SGCD: variants seen among roughly 807,000 people sequenced by gnomAD.
The protein encoded by SGCD is delta-sarcoglycan.
In SGCD, 18 loss-of-function variants were observed where a neutral mutation model predicts 36.6. That is an observed-to-expected ratio of 0.49 (90% CI 0.34 to 0.73). The LOEUF is 0.73. SGCD is among the 30% of genes least tolerant of loss of function. The pLI, the probability that SGCD is intolerant of heterozygous loss-of-function variation, is 0.01. For missense variants in SGCD, 387 were observed against 346.7 expected, an observed-to-expected ratio of 1.12 and a Z score of -0.92; for synonymous variants, 133 against 130.6, an observed-to-expected ratio of 1.02 and a Z score of -0.12.
Position 156,764,556 on chromosome 5 carries a change from G to A in SGCD, c.*5166G>A, listed in dbSNP as rs1757553498. On this transcript the variant is annotated 3_prime_UTR_variant, in exon 9 of 9. Coordinates refer to ENST00000337851, the MANE Select transcript of SGCD (RefSeq NM_000337.6). ...GGCAAAGGGAAAATAATTACTTGTG[G>A]GAGGTCCTCCTTTTGAGTATTGTTA... 6.6e-6 allele frequency: 1 copy of A among 152,612 alleles called. No homozygotes were observed. The highest frequency in any genetic ancestry group is 6.5e-5 in the Admixed American group (1 of 15,274). 9.5% of individuals were successfully genotyped at this position (152,612 alleles called of 1,614,324 possible).
intron 3 of SGCD, among the ~76,000 whole-genome samples, chr5:156,354,337 A>T (rs1317468077): frequency 6.6e-6 from 1 of 152,046 alleles, no homozygotes; most frequent in African/African-American, 2.4e-5. Flanking sequence ...CTCAGGCATA[A>T]TGGTTCTAGT....
intron 1 of SGCD, among the ~76,000 whole-genome samples, chr5:155,969,652 A>G (rs912611816): frequency 6.6e-6 from 1 of 152,128 alleles, no homozygotes; most frequent in Admixed American, 6.6e-5. Context: ...GGTAGCTTTG[A>G]GACCTGCAAT....
intron 3 of SGCD, among the ~76,000 whole-genome samples, chr5:156,479,782 G>T (rs1755343792): frequency 6.6e-6 from 1 of 152,212 alleles, no homozygotes; most frequent in Non-Finnish European, 1.5e-5. Flanking sequence ...TGTTCTTAGA[G>T]AGGAGGTAGA....
intron 3 of SGCD, among the ~76,000 whole-genome samples, chr5:156,211,620 A>T (rs1424554057): frequency 1.3e-5 from 2 of 151,962 alleles, no homozygotes; most frequent in Non-Finnish European, 2.9e-5. Flanking sequence ...AAAAAAAAAA[A>T]AAAAGATGCA....
intron 3 of SGCD, among the ~76,000 whole-genome samples, chr5:156,495,426 C>T (rs917040121): frequency 3.9e-5 from 6 of 152,274 alleles, no homozygotes; most frequent in African/African-American, 1.2e-4. Flanking sequence ...AGTATCAAAA[C>T]GGCACTGGGC....
intron 2 of SGCD, among the ~76,000 whole-genome samples, chr5:156,335,777 A>G (rs1768322434): frequency 6.6e-6 from 1 of 152,068 alleles, no homozygotes; most frequent in Non-Finnish European, 1.5e-5. Flanking sequence ...TTGACGCCCC[A>G]TGTCTCAAGC....
At chr5:156,008,121 C>T (rs146714553) in intron 1 of SGCD, among the ~76,000 whole-genome samples, 101 of 152,208 alleles carry the variant, frequency 6.6e-4, no homozygotes, top group African/African-American at 2.4e-3. Flanking sequence ...AAAAAAATGC[C>T]AAATTGAGTA....
At chr5:155,994,862 G>T (rs1758507298) in intron 1 of SGCD, among the ~76,000 whole-genome samples, 1 of 152,136 alleles carries the variant, frequency 6.6e-6, no homozygotes, top group Admixed American at 6.5e-5. Context: ...CTGAGCATGT[G>T]GCTGGATTCA....
At chr5:156,134,341 T>C (rs1762401963) in intron 3 of SGCD, among the ~76,000 whole-genome samples, 1 of 152,194 alleles carries the variant, frequency 6.6e-6, no homozygotes, top group Non-Finnish European at 1.5e-5. Flanking sequence ...CCCTGCTGCC[T>C]GAAGGACTGT....
intron 3 of SGCD, among the ~76,000 whole-genome samples, chr5:156,365,069 TA>T (rs983069608): frequency 6.6e-6 from 1 of 152,172 alleles, no homozygotes; most frequent in Non-Finnish European, 1.5e-5. Flanking sequence ...AATGACAGTA[TA>T]AAAATGTGCA....
chr5:156,014,518 T>G (rs1248594549), intron 1 of SGCD, among the ~76,000 whole-genome samples: 1 of 152,220 alleles, frequency 6.6e-6, no homozygotes, highest in Non-Finnish European at 1.5e-5. Flanking sequence ...TATATACCAC[T>G]TCCCTTAATG....
intron 6 of SGCD, among the ~76,000 whole-genome samples, chr5:156,643,024 G>GT (rs201396237): frequency 0.031 from 3,455 of 111,090 alleles, 48 homozygotes; most frequent in Non-Finnish European, 0.038. Flanking sequence ...GGGGTTTTTT[G>GT]TTTTTTTTTT....
chr5:156,318,177 A>C (rs768103647), intron 3 of SGCD, among the ~76,000 whole-genome samples: 5 of 152,210 alleles, frequency 3.3e-5, no homozygotes, highest in Non-Finnish European at 1.5e-5. Context: ...CAAATTTTTA[A>C]ATTTAGCATG....
chr5:156,423,898 G>A (rs185338127), intron 3 of SGCD, among the ~76,000 whole-genome samples: 19 of 152,054 alleles, frequency 1.2e-4, no homozygotes, highest in Admixed American at 3.3e-4. Flanking sequence ...TGGTACATTA[G>A]TCAGTGATGG....
At position 156,529,177 on chromosome 5, in the gene SGCD, A is replaced by G. The variant is rs570787876; in HGVS notation, c.294+20475A>G. On this transcript the variant is annotated intron_variant, in intron 4 of 8. Transcript: ENST00000337851. Reference sequence around the variant, plus strand: ...TGCGCCAGCTCACGTCTGTAATCCCAGCACTTTGGAAGGCTGAGGAGGGTG... The same window carrying G: ...TGCGCCAGCTCACGTCTGTAATCCCGGCACTTTGGAAGGCTGAGGAGGGTG... Among the ~76,000 whole-genome samples the G allele has an allele frequency of 9.2e-5, 14 of 152,244 alleles. No homozygotes were observed. The East Asian group carries it at 2.5e-3, about 27-fold the overall frequency.
chr5:156,609,584 G>A (rs947009931), intron 6 of SGCD, among the ~76,000 whole-genome samples: 13 of 152,166 alleles, frequency 8.5e-5, no homozygotes, highest in African/African-American at 3.1e-4. Flanking sequence ...GAATTTGAAT[G>A]TTGGCCTGCC....
intron 3 of SGCD, among the ~76,000 whole-genome samples, chr5:156,321,148 A>G (rs906293994): frequency 2.0e-5 from 3 of 152,254 alleles, no homozygotes; most frequent in Admixed American, 2.0e-4. Context: ...GGCTGGGCGC[A>G]GTGGCTCACG....
At chr5:155,886,931 A>G (rs1240804141) in intron 1 of SGCD, among the ~76,000 whole-genome samples, 5 of 152,224 alleles carry the variant, frequency 3.3e-5, no homozygotes, top group Non-Finnish European at 7.3e-5. Context: ...CAGATTTCCC[A>G]AAAGCTCATG....
At chr5:155,907,076 C>T (rs1756532700) in intron 1 of SGCD, among the ~76,000 whole-genome samples, 1 of 152,050 alleles carries the variant, frequency 6.6e-6, no homozygotes, top group Admixed American at 6.6e-5. Context: ...TACTGAAAAT[C>T]CTATGGCCCT....
Sources: allele counts gnomAD v4.1 joint callset (sites outside exome capture counted in the v4.1 genomes callset), GRCh38; gene constraint gnomAD v4.1.1; transcripts MANE v1.5; gene names NCBI Gene and HGNC (gene_info 2026-07-23, HGNC 2026-07-21).